IQCM: variants seen among roughly 807,000 people sequenced by gnomAD.
IQCM encodes IQ motif containing M.
IQCM carries 45 observed loss-of-function variants against 57.6 expected under a neutral mutation model. The observed-to-expected ratio is 0.78, with a 90% CI of 0.62 to 1.00. The LOEUF is 1.00. Among genes scored for constraint, IQCM ranks in the 50% least tolerant of loss-of-function variants. IQCM has a pLI of 0.00. For synonymous variants in IQCM, 148 were observed against 158.9 expected (o/e 0.93, Z 0.51); for missense variants, 468 against 511.6 (o/e 0.91, Z 0.82).
At chr4:149,794,425 A>T (rs1022238437) in intron 2 of IQCM, among the ~76,000 whole-genome samples, 1 of 152,242 alleles carries the variant, frequency 6.6e-6, no homozygotes, top group African/African-American at 2.4e-5. Flanking sequence ...TTTACCACTG[A>T]ATCAGTGAAT....
intron 2 of IQCM, among the ~76,000 whole-genome samples, chr4:149,748,423 T>C (rs1768127920): frequency 6.6e-6 from 1 of 152,222 alleles, no homozygotes; most frequent in African/African-American, 2.4e-5. Flanking sequence ...TATTAATACA[T>C]TTCAGTTCTC....
In IQCM at chr4:149,462,542, GT is replaced by G. The variant is rs1242876683; in HGVS notation, c.1229-28986del. The stretch of plus-strand genomic sequence containing the variant: ...CAGCACCTACCACCTACATAAAACA[GT>G]ACAAAATTGAAGTTAATTTTCAATA... On this transcript the variant is annotated intron_variant, in intron 12 of 13. Transcript: ENST00000636793. Among the ~76,000 whole-genome samples, 3 of 152,188 alleles carry G rather than the reference GT, an allele frequency of 2.0e-5. No individual in the cohort carries two copies. The East Asian group carries it at 5.8e-4, about 29-fold the overall frequency.
At chr4:149,397,890 G>A (rs1335526356) in intron 13 of IQCM, among the ~76,000 whole-genome samples, 6 of 151,720 alleles carry the variant, frequency 4.0e-5, no homozygotes, top group Non-Finnish European at 5.9e-5. Context: ...TTTCACTCCC[G>A]TGATTGTTTC....
chr4:149,500,450 A>G (rs952435838), intron 12 of IQCM, among the ~76,000 whole-genome samples: 4 of 152,184 alleles, frequency 2.6e-5, no homozygotes, highest in Non-Finnish European at 5.9e-5. Flanking sequence ...AGTGTATGAA[A>G]AGAGTTCAAA....
In IQCM at chr4:149,658,281, G is replaced by A. The variant is rs568963637; in HGVS notation, c.565+23837C>T. ...ATCTTTTCCCCAATGTGTGTTCTTG[G>A]TGGCACTTTTGTTGAAAATCAGTTG... On this transcript the variant is annotated intron_variant, in intron 7 of 13. Coordinates refer to ENST00000636793, the MANE Select transcript of IQCM (RefSeq NM_001363507.2). Among the ~76,000 whole-genome samples, 7 of 151,686 alleles carry A rather than the reference G, an allele frequency of 4.6e-5. No homozygotes were observed. The South Asian group carries it at 1.5e-3, about 32-fold the overall frequency.
chr4:149,492,450 A>G (rs1169219338), intron 12 of IQCM, among the ~76,000 whole-genome samples: 1 of 152,112 alleles, frequency 6.6e-6, no homozygotes, highest in African/African-American at 2.4e-5. Context: ...AGCATCTACA[A>G]ACTAAGCCCT....
chr4:149,494,363 T>C (rs1387604947), intron 12 of IQCM, among the ~76,000 whole-genome samples: 1 of 152,098 alleles, frequency 6.6e-6, no homozygotes, highest in Non-Finnish European at 1.5e-5. Flanking sequence ...TACAATTGCA[T>C]AGGTATGAAT....
intron 12 of IQCM, among the ~76,000 whole-genome samples, chr4:149,485,264 A>G (rs1741345700): frequency 1.3e-5 from 2 of 151,928 alleles, no homozygotes; most frequent in Non-Finnish European, 2.9e-5. Context: ...AGGTTTGGGA[A>G]GTTCTCTGAT....
chr4:149,728,407 C>T (rs527861510), intron 5 of IQCM, among the ~76,000 whole-genome samples: 3 of 152,314 alleles, frequency 2.0e-5, no homozygotes, highest in East Asian at 1.9e-4. Flanking sequence ...ACAGGTTCCA[C>T]GAGGACACAA....
At chr4:149,693,384 C>A (rs1207647036) in intron 5 of IQCM, among the ~76,000 whole-genome samples, 1 of 152,170 alleles carries the variant, frequency 6.6e-6, no homozygotes, top group East Asian at 1.9e-4. Flanking sequence ...CCGACTATCT[C>A]TGTCTCAATC....
chr4:149,684,240 T>C (rs1762396584), intron 6 of IQCM, among the ~76,000 whole-genome samples: 1 of 151,278 alleles, frequency 6.6e-6, no homozygotes, highest in Admixed American at 6.6e-5. Context: ...TATATTGAAA[T>C]TGTAACAGTA....
intron 2 of IQCM, among the ~76,000 whole-genome samples, chr4:149,799,676 A>G (rs1773427702): frequency 2.0e-5 from 3 of 151,792 alleles, no homozygotes; most frequent in Admixed American, 2.0e-4. Context: ...AGTTCAAAGG[A>G]TCATCAGTGG....
At chr4:149,540,544 C>A (rs1034161360) in intron 12 of IQCM, among the ~76,000 whole-genome samples, 1 of 151,718 alleles carries the variant, frequency 6.6e-6, no homozygotes, top group African/African-American at 2.4e-5. Flanking sequence ...TTAACAAAAA[C>A]CTCAGAAAAA....
intron 13 of IQCM, among the ~76,000 whole-genome samples, chr4:149,415,915 G>C (rs2111194505): frequency 6.6e-6 from 1 of 152,158 alleles, no homozygotes; most frequent in Non-Finnish European, 1.5e-5. Flanking sequence ...GGTGGAGGGA[G>C]GTGGGAGGGA....
At chr4:149,674,922 G>A (rs1423886391) in intron 7 of IQCM, among the ~76,000 whole-genome samples, 2 of 152,024 alleles carry the variant, frequency 1.3e-5, no homozygotes, top group African/African-American at 2.4e-5. Context: ...GGAGCCTCAG[G>A]CTCCCAGTAG....
intron 9 of IQCM, among the ~76,000 whole-genome samples, chr4:149,568,053 G>T (rs923724643): frequency 6.6e-6 from 1 of 152,142 alleles, no homozygotes; most frequent in Admixed American, 6.5e-5. Flanking sequence ...CATCAATAAG[G>T]CACATCCTGG....
intron 2 of IQCM, among the ~76,000 whole-genome samples, chr4:149,795,213 A>G (rs1330215181): frequency 6.6e-6 from 1 of 152,152 alleles, no homozygotes; most frequent in Non-Finnish European, 1.5e-5. Context: ...GGCATAGATT[A>G]AAAAACAGAT....
At chr4:149,727,726 T>A (rs1014462128) in intron 5 of IQCM, among the ~76,000 whole-genome samples, 23 of 152,112 alleles carry the variant, frequency 1.5e-4, no homozygotes, top group African/African-American at 5.6e-4. Context: ...GTCCTATGAA[T>A]GTCTCAAGCC....
At chr4:149,601,896 A>G (rs1754330779) in intron 8 of IQCM, among the ~76,000 whole-genome samples, 1 of 152,122 alleles carries the variant, frequency 6.6e-6, no homozygotes, top group East Asian at 1.9e-4. Flanking sequence ...TAAAAATACA[A>G]AAACAAAATT....
Sources: gnomAD v4.1 joint callset for allele counts (sites outside exome capture counted in the v4.1 genomes callset) on GRCh38, gnomAD v4.1.1 for gene constraint, MANE v1.5 for transcripts, NCBI Gene and HGNC (gene_info 2026-07-23, HGNC 2026-07-21) for gene names.